ABCB5: variants seen among roughly 807,000 people sequenced by gnomAD.
ABCB5 encodes the protein ATP-binding cassette sub-family B member 5.
ABCB5 carries 155 observed loss-of-function variants against 144.2 expected under a neutral mutation model. That is an observed-to-expected ratio of 1.08 (90% CI 0.94 to 1.23). ABCB5 has a LOEUF of 1.23. Among genes scored for constraint, ABCB5 ranks in the 50% most tolerant of loss-of-function variants. ABCB5 has a pLI of 0.00. For synonymous variants in ABCB5, 610 were observed against 528.6 expected (o/e 1.15, Z -2.11); for missense variants, 1,830 against 1,520.8 (o/e 1.20, Z -3.38).
intron 14 of ABCB5, among the ~76,000 whole-genome samples, chr7:20,672,093 C>T (rs903267874): frequency 2.0e-5 from 3 of 152,064 alleles, no homozygotes; most frequent in African/African-American, 7.2e-5. Context: ...GCATATTAAC[C>T]ATCCACATTT....
intron 15 of ABCB5, among the ~76,000 whole-genome samples, chr7:20,684,992 G>A (rs186108462): frequency 5.9e-5 from 9 of 152,292 alleles, no homozygotes; most frequent in African/African-American, 2.2e-4. Flanking sequence ...AATGAACAGA[G>A]AATCTGTAGC....
chr7:20,628,574 A>G, intron 3 of ABCB5, 114 bp from the exon 4 acceptor site: 1 of 1,040,352 alleles, frequency 9.6e-7, no homozygotes, highest in Non-Finnish European at 1.4e-6. Context: ...ATCTTAATGT[A>G]TAAAGTCATG....
At chr7:20,692,226 C>G (rs1215853815) in intron 16 of ABCB5, among the ~76,000 whole-genome samples, 1 of 151,820 alleles carries the variant, frequency 6.6e-6, no homozygotes, top group Non-Finnish European at 1.5e-5. Context: ...AAGGAGAAAA[C>G]TACTAAAGCA....
intron 13 of ABCB5, among the ~76,000 whole-genome samples, chr7:20,655,466 C>T (rs1484388173): frequency 1.4e-5 from 2 of 146,802 alleles, no homozygotes; most frequent in African/African-American, 5.5e-5. Flanking sequence ...GAGCAAGACT[C>T]TGCTCCCCCG....
At chr7:20,676,642 G>A (rs1395241342) in intron 14 of ABCB5, among the ~76,000 whole-genome samples, 1 of 152,176 alleles carries the variant, frequency 6.6e-6, no homozygotes, top group East Asian at 1.9e-4. Flanking sequence ...TTTCATTTAT[G>A]TAAGACGAAT....
chr7:20,714,326 C>A (rs974925809), intron 20 of ABCB5, among the ~76,000 whole-genome samples: 2 of 151,980 alleles, frequency 1.3e-5, no homozygotes, highest in Admixed American at 1.3e-4. Flanking sequence ...AAGAATTAAA[C>A]AAGACTTTTT....
chr7:20,669,029 C>T (rs1372828383), intron 14 of ABCB5, among the ~76,000 whole-genome samples: 107 of 136,210 alleles, frequency 7.9e-4, no homozygotes, highest in African/African-American at 2.7e-3. Context: ...TGAGGGGCGC[C>T]TCTGCCCGGC....
chr7:20,750,383 T>TACACAC lies in ABCB5; in HGVS notation c.3430-2945_3430-2940dup, dbSNP rs3033674. 7.1e-3 allele frequency among the ~76,000 whole-genome samples: 1,007 copies of TACACAC among 141,072 alleles called. 9 individuals carry two copies. The highest frequency in any genetic ancestry group is 0.022 in the African/African-American group (838 of 38,246). 92.5% of individuals were successfully genotyped at this position (141,072 alleles called of 152,430 possible). ...TGATGAGAGTCCAAAGGCTTCCCCC[T>TACACAC]ACACACACACACACACACACACACA... On this transcript the variant is annotated intron_variant, in intron 26 of 27. Coordinates refer to ENST00000404938, the MANE Select transcript of ABCB5 (RefSeq NM_001163941.2).
intron 14 of ABCB5, among the ~76,000 whole-genome samples, chr7:20,676,401 A>T (rs1785610127): frequency 6.6e-6 from 1 of 152,146 alleles, no homozygotes; most frequent in Non-Finnish European, 1.5e-5. Context: ...CTACACAAGG[A>T]AATATTAATA....
intron 16 of ABCB5, among the ~76,000 whole-genome samples, chr7:20,695,939 T>C (rs1275393501): frequency 6.6e-6 from 1 of 151,930 alleles, no homozygotes; most frequent in Non-Finnish European, 1.5e-5. Flanking sequence ...GATGGTGGGG[T>C]GCAACTGGAG....
At chr7:20,668,822 G>C (rs1290969427) in intron 14 of ABCB5, among the ~76,000 whole-genome samples, 26 of 129,894 alleles carry the variant, frequency 2.0e-4, no homozygotes, top group Non-Finnish European at 3.4e-4. Flanking sequence ...CCTCTGCCCG[G>C]CCAGCCGCCC....
intron 20 of ABCB5, among the ~76,000 whole-genome samples, chr7:20,717,568 G>C (rs1047250978): frequency 7.3e-5 from 11 of 151,470 alleles, no homozygotes; most frequent in Non-Finnish European, 1.3e-4. Context: ...TCAGCGTCCT[G>C]AGTAGCTGGG....
chr7:20,736,311 G>T (rs1197487040), intron 23 of ABCB5, among the ~76,000 whole-genome samples: 2 of 152,064 alleles, frequency 1.3e-5, no homozygotes, highest in Admixed American at 1.3e-4. Flanking sequence ...TCCACCTCCC[G>T]GGTTCAAGCA....
chr7:20,642,718 A>C (rs1784321230), intron 5 of ABCB5, among the ~76,000 whole-genome samples: 1 of 152,192 alleles, frequency 6.6e-6, no homozygotes, highest in Non-Finnish European at 1.5e-5. Context: ...ATTGTTACAA[A>C]TGCTGCAAAG....
At chr7:20,718,579 C>G (rs1781763161) in intron 20 of ABCB5, among the ~76,000 whole-genome samples, 1 of 152,094 alleles carries the variant, frequency 6.6e-6, no homozygotes, top group African/African-American at 2.4e-5. Context: ...GAAACTGAAA[C>G]CACAAAGTTT....
At chr7:20,619,749 C>T (rs1583371410) in intron 1 of ABCB5, among the ~76,000 whole-genome samples, 1 of 152,162 alleles carries the variant, frequency 6.6e-6, no homozygotes, top group African/African-American at 2.4e-5. Context: ...ATATTCTTTG[C>T]CAAGGCCGAT....
intron 16 of ABCB5, among the ~76,000 whole-genome samples, chr7:20,687,033 TA>T (rs1394358263): frequency 1.3e-5 from 2 of 152,206 alleles, no homozygotes; most frequent in East Asian, 3.8e-4. Flanking sequence ...TTTATTTTTT[TA>T]AGTCTATTTA....
At position 20,681,626 on chromosome 7, in the gene ABCB5, T is replaced by A; in HGVS notation, c.1829T>A (p.Met610Lys). 3 of 1,614,184 alleles carry A rather than the reference T, an allele frequency of 1.9e-6. No homozygotes were observed. Among genetic ancestry groups the A allele is most frequent in the Non-Finnish European group, 2.5e-6 (3 of 1,180,036 alleles). The change falls in exon 15 of 28, where the codon ATG (methionine) becomes AAG (lysine). Residue 610 changes from methionine (M) to lysine (K), a missense_variant. By Grantham distance (95) the Met-to-Lys change is moderately conservative (BLOSUM62 -1). Transcript: ENST00000404938. ...LAEKGAHAEL[M>K]AKRGLYYSLV... is the part of the protein sequence containing the mutation. ...GAGAAAGGAGCACATGCTGAACTAA[T>A]GGCAAAACGAGGTCTATATTATTCA...
chr7:20,704,362 C>T lies in ABCB5; in HGVS notation c.2338-362C>T, dbSNP rs568252061. ...TGTTGGAATTACAGGTGTGAGCCAC[C>T]GCTCTGGCCTTCATCGCCTTACTTT... is the stretch of plus-strand genomic sequence containing the variant. On this transcript the variant is annotated intron_variant, in intron 19 of 27. Transcript: ENST00000404938. Among the ~76,000 whole-genome samples, 11 of 152,158 alleles carry T rather than the reference C, an allele frequency of 7.2e-5. No homozygotes were observed. The South Asian group carries it at 1.7e-3, about 23-fold the overall frequency.
Sources: allele counts gnomAD v4.1 joint callset (sites outside exome capture counted in the v4.1 genomes callset), GRCh38; gene constraint gnomAD v4.1.1; transcripts MANE v1.5; gene names NCBI Gene and HGNC (gene_info 2026-07-23, HGNC 2026-07-21).